Variants in RGS5 observed in about 807,000 individuals in gnomAD.
RGS5 encodes regulator of G protein signaling 5, also known as regulator of G-protein signalling 5.
A neutral mutation model predicts 18.9 loss-of-function variants in RGS5; 20 were observed. The ratio of observed to expected loss-of-function variants is 1.06; its 90% confidence interval spans 0.74 to 1.54. The LOEUF is 1.54. Ranked by LOEUF, RGS5 falls within the 40% of genes most tolerant of loss-of-function variation. The pLI is 0.00. For missense variants in RGS5, 201 were observed against 211.8 expected (o/e 0.95, Z 0.32); for synonymous variants, 57 against 76.2 (o/e 0.75, Z 1.31).
intron 1 of RGS5, among the ~76,000 whole-genome samples, chr1:163,169,463 G>A (rs1380616929): frequency 6.6e-6 from 1 of 152,138 alleles, no homozygotes; most frequent in Non-Finnish European, 1.5e-5. Context: ...GGTTGAACTA[G>A]TTTACAGTCT....
chr1:163,221,867 T>G (rs1410342414), upstream of RGS5, among the ~76,000 whole-genome samples: 1 of 152,150 alleles, frequency 6.6e-6, no homozygotes, highest in Admixed American at 6.5e-5. Context: ...CTCTACATCT[T>G]TTAAGACTTT....
At chr1:163,148,193 C>A (rs1006310584) in intron 4 of RGS5, among the ~76,000 whole-genome samples, 2 of 152,040 alleles carry the variant, frequency 1.3e-5, no homozygotes, top group African/African-American at 4.8e-5. Flanking sequence ...TCCCAAAGTG[C>A]TGGGATTACA....
chr1:163,174,542 A>G (rs139048224), intron 1 of RGS5, among the ~76,000 whole-genome samples: 2 of 152,364 alleles, frequency 1.3e-5, no homozygotes, highest in Non-Finnish European at 2.9e-5. Flanking sequence ...CTAACTGGAC[A>G]GAGGTAACAC....
At chr1:163,148,080 C>G (rs1657226318) in intron 4 of RGS5, among the ~76,000 whole-genome samples, 1 of 151,786 alleles carries the variant, frequency 6.6e-6, no homozygotes, top group South Asian at 2.1e-4. Flanking sequence ...GCATGTGCCA[C>G]CACGCCGGGC....
At chr1:163,229,448 G>T (rs1206519394) in intron 2 of RGS5, among the ~76,000 whole-genome samples, 2 of 152,204 alleles carry the variant, frequency 1.3e-5, no homozygotes, top group African/African-American at 4.8e-5. Flanking sequence ...TTCAAGATGA[G>T]ATGTGGGTGG....
intron 2 of RGS5, among the ~76,000 whole-genome samples, chr1:163,275,096 A>G (rs553809942): frequency 6.6e-6 from 1 of 152,294 alleles, no homozygotes; most frequent in South Asian, 2.1e-4. Context: ...AGACTGTGAG[A>G]CAGAGCAAAA....
chr1:163,172,627 T>C, intron 1 of RGS5: 3 of 1,548,380 alleles, frequency 1.9e-6, no homozygotes, highest in Non-Finnish European at 1.7e-6. Context: ...ATTCAGTGCT[T>C]TGGAAAACAC....
chr1:163,311,439 T>A (rs1298928273), intron 1 of RGS5, among the ~76,000 whole-genome samples: 1 of 152,250 alleles, frequency 6.6e-6, no homozygotes, highest in Non-Finnish European at 1.5e-5. Flanking sequence ...GAGGCCTAGC[T>A]TTTGGCCTAT....
exon 1 of RGS5, chr1:163,217,594 T>C: frequency 6.5e-7 from 1 of 1,544,332 alleles, no homozygotes; most frequent in Non-Finnish European, 8.7e-7. Flanking sequence ...CTTGCGCACA[T>C]TTTTCACTGA....
chr1:163,185,489 C>T (rs1659030934), intron 1 of RGS5, among the ~76,000 whole-genome samples: 1 of 152,142 alleles, frequency 6.6e-6, no homozygotes, highest in African/African-American at 2.4e-5. Context: ...TCCAGTTATC[C>T]TCTCAACCCC....
At chr1:163,246,023 G>A (rs952016051) in intron 2 of RGS5, among the ~76,000 whole-genome samples, 4 of 151,730 alleles carry the variant, frequency 2.6e-5, no homozygotes, top group Admixed American at 6.6e-5. Flanking sequence ...AGACCATCCT[G>A]GCTAACACAG....
At chr1:163,220,581 A>G (rs1159623879), upstream of RGS5, among the ~76,000 whole-genome samples, 2 of 152,326 alleles carry the variant, frequency 1.3e-5, no homozygotes, top group South Asian at 4.1e-4. Flanking sequence ...GACCAATTCT[A>G]TAACAAGCCA....
intron 1 of RGS5, among the ~76,000 whole-genome samples, chr1:163,196,106 G>C (rs971167634): frequency 6.6e-6 from 1 of 151,988 alleles, no homozygotes; most frequent in Non-Finnish European, 1.5e-5. Context: ...TAACTTCCTC[G>C]ATCGTTAGAA....
At chr1:163,198,816 T>G (rs1659669742) in intron 1 of RGS5, among the ~76,000 whole-genome samples, 1 of 151,956 alleles carries the variant, frequency 6.6e-6, no homozygotes, top group Non-Finnish European at 1.5e-5. Context: ...GTGTTTTTAT[T>G]TATTTATTTT....
chr1:163,266,728 T>C (rs1648581542), intron 2 of RGS5: 1 of 152,138 alleles, frequency 6.6e-6, no homozygotes, highest in Admixed American at 6.6e-5. Context: ...TCTGGACTTA[T>C]TTCACTACAT....
chr1:163,255,808 T>C (rs1196064640), intron 2 of RGS5, among the ~76,000 whole-genome samples: 3 of 151,906 alleles, frequency 2.0e-5, no homozygotes, highest in African/African-American at 2.4e-5. Context: ...TGGTTCAATA[T>C]ATGCAAATCA....
At position 163,202,820 on chromosome 1, in the gene RGS5, C is replaced by T; in HGVS notation, c.16G>A (p.Ala6Thr). The change falls in exon 1 of 5, where the codon GCA becomes ACA. Residue 6 changes from alanine to threonine, a missense_variant. By Grantham distance (58) the Ala-to-Thr change is moderately conservative. Coordinates refer to ENST00000313961, the MANE Select transcript of RGS5 (RefSeq NM_003617.4). MCKGL[A>T]ALPHSCLERA... is the part of the protein sequence containing the mutation. ...TCCAGGCATGAGTGGGGCAAAGCTGCAAGTCCTTTGCACATTTTGGCAGGT... is the reference window on the plus strand; with the variant it reads ...TCCAGGCATGAGTGGGGCAAAGCTGTAAGTCCTTTGCACATTTTGGCAGGT... 4 of 1,613,552 alleles carry T rather than the reference C, an allele frequency of 2.5e-6. No homozygotes were observed. Among genetic ancestry groups the T allele is most frequent in the Non-Finnish European group, 3.4e-6 (4 of 1,179,668 alleles).
rs1181513382 is a variant in RGS5 at position 163,161,902 on chromosome 1, A to G, written c.217+13T>C. 2 of 1,610,138 alleles carry G rather than the reference A, an allele frequency of 1.2e-6. No homozygotes were observed. The highest frequency in any genetic ancestry group is 1.7e-6 in the Non-Finnish European group (2 of 1,176,648). On this transcript the variant is annotated intron_variant, in intron 3 of 4. Coordinates refer to ENST00000313961, the MANE Select transcript of RGS5 (RefSeq NM_003617.4). ...CTGACCTTTATTTAAAAAAACAAAC[A>G]ATGGAAACTTACAGTTGTTCTGCAG...
intron 4 of RGS5, among the ~76,000 whole-genome samples, chr1:163,150,285 AT>A (rs1657322406): frequency 6.6e-6 from 1 of 152,150 alleles, no homozygotes; most frequent in Admixed American, 6.5e-5. Flanking sequence ...TTATTTTAAA[AT>A]TATATTTTAG....
Sources: gnomAD v4.1 joint callset for allele counts (sites outside exome capture counted in the v4.1 genomes callset) on GRCh38, gnomAD v4.1.1 for gene constraint, MANE v1.5 for transcripts, NCBI Gene and HGNC (gene_info 2026-07-23, HGNC 2026-07-21) for gene names.